UBE2F: variants seen among roughly 807,000 people sequenced by gnomAD.
UBE2F encodes ubiquitin conjugating enzyme E2 F (putative), also known as NEDD8-conjugating enzyme UBE2F.
A neutral mutation model predicts 29.6 loss-of-function variants in UBE2F; 5 were observed. That is an observed-to-expected ratio of 0.17 (90% CI 0.09 to 0.36). UBE2F has a LOEUF of 0.36. UBE2F is among the 10% of genes least tolerant of loss of function. UBE2F has a pLI of 1.00. For synonymous variants in UBE2F, 66 were observed against 81.8 expected, an observed-to-expected ratio of 0.81 and a Z score of 1.04; for missense variants, 141 against 228.5, an observed-to-expected ratio of 0.62 and a Z score of 2.47.
intron 5 of UBE2F, among the ~76,000 whole-genome samples, chr2:238,024,754 A>T (rs2106395905): frequency 6.6e-6 from 1 of 152,322 alleles, no homozygotes; most frequent in East Asian, 1.9e-4. Flanking sequence ...ATGTTGATAT[A>T]CTTTATCCCC....
intron 7 of UBE2F, among the ~76,000 whole-genome samples, chr2:238,031,169 C>G (rs2064567061): frequency 6.6e-6 from 1 of 152,222 alleles, no homozygotes; most frequent in Admixed American, 6.5e-5. Flanking sequence ...CCATGGGCAG[C>G]CCACCCAGCC....
intron 4 of UBE2F, among the ~76,000 whole-genome samples, chr2:238,001,194 C>G (rs776826098): frequency 6.6e-6 from 1 of 151,958 alleles, no homozygotes; most frequent in Non-Finnish European, 1.5e-5. Flanking sequence ...CCACCACGCC[C>G]GGCTAATTTT....
chr2:238,008,677 T>G (rs2063956216), intron 4 of UBE2F, among the ~76,000 whole-genome samples: 1 of 152,196 alleles, frequency 6.6e-6, no homozygotes, highest in South Asian at 2.1e-4. Flanking sequence ...GTTATTTCCC[T>G]CCTCTTTATT....
rs60514924 is a variant in UBE2F, at chr2:238,006,759, CTTTTTT to C, written c.215-9795_215-9790del. The stretch of plus-strand genomic sequence containing the variant: ...TTGGCTTGTTCCTTTTTTCTTTTTT[CTTTTTT>C]TTTTTTTTTTTGAGAGTTTCCTTCT... On this transcript the variant is annotated intron_variant, in intron 4 of 9. Transcript: ENST00000272930. 1.4e-4 allele frequency among the ~76,000 whole-genome samples: 18 copies of C among 125,592 alleles called. No individual in the cohort carries two copies. In the East Asian group the frequency reaches 4.2e-3, roughly 30 times the overall value. The allele number at this position is 125,592 out of a possible 152,430, so 82.4% of individuals were successfully genotyped here.
At chr2:238,006,054 G>A (rs2063897267) in intron 4 of UBE2F, among the ~76,000 whole-genome samples, 1 of 152,150 alleles carries the variant, frequency 6.6e-6, no homozygotes, top group African/African-American at 2.4e-5. Flanking sequence ...CCTGAGGCCA[G>A]GTAATTTGTG....
chr2:238,033,108 G>A (rs1286854351), intron 8 of UBE2F, among the ~76,000 whole-genome samples: 3 of 152,212 alleles, frequency 2.0e-5, no homozygotes, highest in Non-Finnish European at 4.4e-5. Flanking sequence ...CCTCCCAGGT[G>A]TTCTGGTTGG....
At chr2:238,029,734 G>A (rs191469247) in intron 6 of UBE2F, among the ~76,000 whole-genome samples, 18 of 152,328 alleles carry the variant, frequency 1.2e-4, no homozygotes, top group South Asian at 6.2e-4. Flanking sequence ...TTCATGAGGC[G>A]TGTGCCCTTG....
chr2:237,994,095 T>C (rs2063641846), intron 3 of UBE2F, among the ~76,000 whole-genome samples: 2 of 131,268 alleles, frequency 1.5e-5, no homozygotes, highest in Admixed American at 8.6e-5. Context: ...CGCACTCTTC[T>C]TCTTCTTCTT....
At chr2:238,022,620 A>G (rs2106392488) in intron 5 of UBE2F, among the ~76,000 whole-genome samples, 1 of 152,132 alleles carries the variant, frequency 6.6e-6, no homozygotes, top group South Asian at 2.1e-4. Flanking sequence ...TAGTCCTATA[A>G]TTCTCTTTTA....
intron 4 of UBE2F, among the ~76,000 whole-genome samples, chr2:237,996,266 T>C (rs1056559000): frequency 3.9e-5 from 6 of 152,194 alleles, no homozygotes; most frequent in Admixed American, 2.6e-4. Flanking sequence ...TTCAGACTTG[T>C]GTGTTTATAG....
intron 2 of UBE2F, among the ~76,000 whole-genome samples, chr2:237,983,640 T>C (rs563120079): frequency 6.6e-6 from 1 of 152,262 alleles, no homozygotes; most frequent in African/African-American, 2.4e-5. Context: ...GTTGCCTCCT[T>C]TCCCCACTTC....
chr2:238,035,867 CTCTT>C lies in UBE2F; in HGVS notation c.445-9_445-6del. The stretch of plus-strand genomic sequence containing the variant: ...CTCCCAATGTTTACTTTAAGTTTCT[CTCTT>C]TTTAAGGATCTTTTGAATTTTGATG... On this transcript the variant is annotated splice_region_variant and splice_polypyrimidine_tract_variant and intron_variant, in intron 8 of 9. Coordinates refer to ENST00000272930, the MANE Select transcript of UBE2F (RefSeq NM_080678.3). 1 of 1,608,926 alleles carries C rather than the reference CTCTT, an allele frequency of 6.2e-7. No homozygotes were observed. Among genetic ancestry groups the C allele is most frequent in the Non-Finnish European group, 8.5e-7 (1 of 1,177,116 alleles).
rs2106352985 is a variant in UBE2F at position 237,994,822 on chromosome 2, C to G, written c.214+13C>G. 2 of 1,609,978 alleles carry G rather than the reference C, an allele frequency of 1.2e-6. No homozygotes were observed. Among genetic ancestry groups the G allele is most frequent in the East Asian group, 4.5e-5 (2 of 44,852 alleles). ...ACAGTAACCCCAGGTAATATTCTTA[C>G]ATAAGTATTAAAGTGATTTCAAACA... On this transcript the variant is annotated intron_variant, in intron 4 of 9. Transcript: ENST00000272930.
chr2:238,033,624 G>A (rs1176862796), intron 8 of UBE2F, among the ~76,000 whole-genome samples: 4 of 152,198 alleles, frequency 2.6e-5, no homozygotes, highest in Non-Finnish European at 5.9e-5. Flanking sequence ...TTCAGCAAAA[G>A]CAGAGCCTCA....
chr2:237,999,349 C>T (rs1004762920), intron 4 of UBE2F, among the ~76,000 whole-genome samples: 2 of 152,192 alleles, frequency 1.3e-5, no homozygotes, highest in Non-Finnish European at 2.9e-5. Flanking sequence ...AGATTACTGC[C>T]ATGAGCCACC....
intron 4 of UBE2F, chr2:238,003,461 G>C (rs1451182767): frequency 2.1e-6 from 1 of 468,096 alleles, no homozygotes; most frequent in South Asian, 1.6e-5. Flanking sequence ...TTCTCACATT[G>C]GTCTGTCCCC....
At chr2:238,009,618 A>G (rs1479933655) in intron 4 of UBE2F, among the ~76,000 whole-genome samples, 1 of 152,086 alleles carries the variant, frequency 6.6e-6, no homozygotes, top group South Asian at 2.1e-4. Flanking sequence ...CAGCATCTCT[A>G]TACAATAGCT....
At chr2:238,013,279 A>G (rs1236547439) in intron 4 of UBE2F, among the ~76,000 whole-genome samples, 1 of 152,230 alleles carries the variant, frequency 6.6e-6, no homozygotes, top group Non-Finnish European at 1.5e-5. Flanking sequence ...AATAATTTAA[A>G]AAAAGAAAGA....
At chr2:238,038,977 G>A (rs1258586953) in intron 9 of UBE2F, among the ~76,000 whole-genome samples, 5 of 152,254 alleles carry the variant, frequency 3.3e-5, no homozygotes, top group African/African-American at 1.2e-4. Flanking sequence ...GCTCACGCCT[G>A]TAATCCCAGC....
Sources: allele counts gnomAD v4.1 joint callset (sites outside exome capture counted in the v4.1 genomes callset), GRCh38; gene constraint gnomAD v4.1.1; transcripts MANE v1.5; gene names NCBI Gene and HGNC (gene_info 2026-07-23, HGNC 2026-07-21).